Variants in CDK14 observed in about 807,000 individuals in gnomAD.
CDK14 encodes cyclin dependent kinase 14, also known as cyclin-dependent kinase 14.
Under a neutral mutation model 60.7 loss-of-function variants are expected in CDK14, and 34 were observed. That is an observed-to-expected ratio of 0.56 (90% CI 0.43 to 0.75). The LOEUF (loss-of-function observed/expected upper bound fraction) is 0.75, where lower values mean the gene tolerates loss of function less well. Ranked by LOEUF, CDK14 falls within the 30% of genes least tolerant of loss-of-function variation. The pLI is 0.00. For missense variants in CDK14, 482 were observed against 564.1 expected (o/e 0.85, Z 1.47); for synonymous variants, 197 against 203.7 (o/e 0.97, Z 0.28).
chr7:90,944,754 T>G (rs186643732), intron 8 of CDK14, among the ~76,000 whole-genome samples: 1 of 152,270 alleles, frequency 6.6e-6, no homozygotes, highest in East Asian at 1.9e-4. Context: ...ACATGTGGCC[T>G]TATTTTGGGA....
At chr7:91,174,629 A>C (rs1801660975) in intron 14 of CDK14, among the ~76,000 whole-genome samples, 1 of 135,294 alleles carries the variant, frequency 7.4e-6, no homozygotes, top group Admixed American at 8.3e-5. Context: ...GATGGAGCTG[A>C]AAACCAAGGC....
intron 14 of CDK14, among the ~76,000 whole-genome samples, chr7:91,167,568 T>C (rs976981783): frequency 2.0e-4 from 30 of 152,300 alleles, no homozygotes; most frequent in African/African-American, 6.7e-4. Context: ...CCAGTCTCAG[T>C]GCGCATGTTG....
chr7:91,115,825 G>C (rs1000672580), intron 13 of CDK14, among the ~76,000 whole-genome samples: 3 of 152,112 alleles, frequency 2.0e-5, no homozygotes, highest in Admixed American at 2.0e-4. Context: ...GGCTTTGGAA[G>C]AATACATAGT....
chr7:91,155,567 G>A (rs1239404536), intron 14 of CDK14, among the ~76,000 whole-genome samples: 2 of 152,224 alleles, frequency 1.3e-5, no homozygotes, highest in Non-Finnish European at 2.9e-5. Context: ...CCAACTCACA[G>A]TGTAACAGAT....
In CDK14 at chr7:90,596,613, CT is replaced by C; in HGVS notation, c.-14del. ...GACCAGTTTGGGGAAGTTGTCGGGG[CT>C]CCGCGTCGCCCAGATGTGTGACCTC... On this transcript the variant is annotated 5_prime_UTR_variant, in exon 1 of 15. Transcript: ENST00000380050. The C allele has an allele frequency of 6.3e-7, 1 of 1,588,692 alleles. No homozygotes were observed. The highest frequency in any genetic ancestry group is 8.6e-7 in the Non-Finnish European group (1 of 1,158,860).
intron 10 of CDK14, among the ~76,000 whole-genome samples, chr7:91,012,863 G>A (rs1796200701): frequency 1.3e-5 from 2 of 152,324 alleles, no homozygotes; most frequent in Admixed American, 6.5e-5. Flanking sequence ...TAAAGGGGTA[G>A]TGTGTAAGTG....
chr7:90,806,825 G>A (rs187380216), intron 5 of CDK14, among the ~76,000 whole-genome samples: 11 of 152,310 alleles, frequency 7.2e-5, no homozygotes, highest in East Asian at 1.9e-4. Context: ...ATTATATCCC[G>A]TGCCTGGCTC....
chr7:90,698,076 A>AAAAAG (rs1563048777), intron 2 of CDK14, among the ~76,000 whole-genome samples: 1 of 150,218 alleles, frequency 6.7e-6, no homozygotes, highest in Non-Finnish European at 1.5e-5. Context: ...TCAAAAAAAA[A>AAAAAG]AAAAAAAAAA....
chr7:90,688,189 C>T (rs1164866877), intron 2 of CDK14, among the ~76,000 whole-genome samples: 2 of 152,160 alleles, frequency 1.3e-5, no homozygotes, highest in African/African-American at 4.8e-5. Context: ...TTCCTATGAC[C>T]TGTTCCTACA....
At chr7:91,011,177 C>G (rs1010133980) in intron 10 of CDK14, among the ~76,000 whole-genome samples, 1 of 151,812 alleles carries the variant, frequency 6.6e-6, no homozygotes, top group Non-Finnish European at 1.5e-5. Flanking sequence ...TCATCTTGAA[C>G]AACAACAACA....
intron 9 of CDK14, among the ~76,000 whole-genome samples, chr7:90,970,934 TTTA>T (rs979967408): frequency 1.3e-5 from 2 of 152,144 alleles, no homozygotes; most frequent in African/African-American, 4.8e-5. Context: ...TCCCTCATTT[TTTA>T]TTATTATTAT....
intron 14 of CDK14, among the ~76,000 whole-genome samples, chr7:91,137,627 C>T (rs756234575): frequency 7.2e-5 from 11 of 151,840 alleles, no homozygotes; most frequent in South Asian, 4.2e-4. Flanking sequence ...CACACACACA[C>T]GCACACACAC....
At chr7:90,908,087 C>T (rs982957632) in intron 7 of CDK14, among the ~76,000 whole-genome samples, 1 of 152,058 alleles carries the variant, frequency 6.6e-6, no homozygotes, top group Non-Finnish European at 1.5e-5. Flanking sequence ...AAATTTGACA[C>T]CAAGTCTCAG....
intron 11 of CDK14, among the ~76,000 whole-genome samples, chr7:91,065,698 G>A (rs556759631): frequency 5.3e-5 from 8 of 152,276 alleles, no homozygotes; most frequent in East Asian, 3.9e-4. Flanking sequence ...TCTATTGAAG[G>A]CCTCTCAGTA....
At chr7:91,075,012 C>T (rs967492688) in intron 11 of CDK14, among the ~76,000 whole-genome samples, 12 of 152,054 alleles carry the variant, frequency 7.9e-5, no homozygotes, top group Non-Finnish European at 7.4e-5. Context: ...GCCTACAAAC[C>T]AAAAAAAGCC....
chr7:90,864,795 CTT>C (rs1791119999), intron 6 of CDK14, among the ~76,000 whole-genome samples: 1 of 152,156 alleles, frequency 6.6e-6, no homozygotes, highest in African/African-American at 2.4e-5. Flanking sequence ...TAAAGACTGA[CTT>C]TTAAACATAA....
intron 14 of CDK14, among the ~76,000 whole-genome samples, chr7:91,189,320 C>T (rs1042940457): frequency 6.6e-6 from 1 of 152,132 alleles, no homozygotes; most frequent in African/African-American, 2.4e-5. Flanking sequence ...TTCTTCATCA[C>T]ATTTAGTGTG....
At chr7:90,755,812 A>G (rs555576992) in intron 4 of CDK14, among the ~76,000 whole-genome samples, 15 of 152,306 alleles carry the variant, frequency 9.8e-5, no homozygotes, top group Admixed American at 4.6e-4. Context: ...TCTTTCCTAA[A>G]GAAAAATAGC....
chr7:91,111,087 C>T (rs773700141), intron 12 of CDK14, among the ~76,000 whole-genome samples: 6 of 152,006 alleles, frequency 3.9e-5, no homozygotes, highest in East Asian at 1.9e-4. Flanking sequence ...CCATTTTTTT[C>T]GTGAACAGCC....
Sources: allele counts gnomAD v4.1 joint callset (sites outside exome capture counted in the v4.1 genomes callset), GRCh38; gene constraint gnomAD v4.1.1; transcripts MANE v1.5; gene names NCBI Gene and HGNC (gene_info 2026-07-23, HGNC 2026-07-21).